The following ARHGAP25 variants were observed in gnomAD, a reference collection of about 807,000 sequenced individuals.
The protein encoded by ARHGAP25 is Rho GTPase activating protein 25.
ARHGAP25 carries 34 observed loss-of-function variants against 71.0 expected under a neutral mutation model. That is an observed-to-expected ratio of 0.48 (90% confidence interval 0.36 to 0.64). The LOEUF (loss-of-function observed/expected upper bound fraction) is 0.64, where lower values mean the gene tolerates loss of function less well. ARHGAP25 is among the 30% of genes least tolerant of loss of function. The pLI, the probability that ARHGAP25 is intolerant of heterozygous loss-of-function variation, is 0.00. For missense variants in ARHGAP25, 706 were observed against 805.1 expected (o/e 0.88, Z 1.49); for synonymous variants, 282 against 296.5 (o/e 0.95, Z 0.50).
chr2:68,713,826 G>A (rs887914429), intron 2 of ARHGAP25, among the ~76,000 whole-genome samples: 1 of 151,230 alleles, frequency 6.6e-6, no homozygotes, highest in Non-Finnish European at 1.5e-5. Flanking sequence ...TTGAACCCAG[G>A]AATGAAGCCA....
At chr2:68,772,179 T>A (rs1238070796) in intron 1 of ARHGAP25, among the ~76,000 whole-genome samples, 3 of 152,248 alleles carry the variant, frequency 2.0e-5, no homozygotes, top group Non-Finnish European at 4.4e-5. Flanking sequence ...AGTATCTTTT[T>A]CTCTTCTGCT....
At chr2:68,804,225 A>G (rs907221041) in intron 4 of ARHGAP25, among the ~76,000 whole-genome samples, 1 of 152,180 alleles carries the variant, frequency 6.6e-6, no homozygotes, top group African/African-American at 2.4e-5. Flanking sequence ...ATAAGACCTC[A>G]GAAATGGAGC....
chr2:68,720,057 G>A (rs1227253337), intron 2 of ARHGAP25, among the ~76,000 whole-genome samples: 3 of 152,058 alleles, frequency 2.0e-5, no homozygotes, highest in Admixed American at 6.6e-5. Context: ...TGATGGTTTC[G>A]GTAAAAAGCC....
chr2:68,779,835 T>A (rs1678192467), intron 2 of ARHGAP25, among the ~76,000 whole-genome samples: 2 of 152,244 alleles, frequency 1.3e-5, no homozygotes, highest in African/African-American at 2.4e-5. Context: ...CCCCTACTGG[T>A]GTCTCTTCCT....
At chr2:68,732,879 G>A (rs1675060339), upstream of ARHGAP25, among the ~76,000 whole-genome samples, 1 of 152,168 alleles carries the variant, frequency 6.6e-6, no homozygotes, top group Non-Finnish European at 1.5e-5. Flanking sequence ...CTTCAGCCTC[G>A]TTCTCTGGAT....
intron 1 of ARHGAP25, among the ~76,000 whole-genome samples, chr2:68,773,714 G>A (rs945180190): frequency 3.9e-5 from 6 of 152,190 alleles, no homozygotes; most frequent in Admixed American, 1.3e-4. Flanking sequence ...AGAAGAAAGA[G>A]AGGAAGCTTG....
intron 4 of ARHGAP25, among the ~76,000 whole-genome samples, chr2:68,792,600 A>G (rs947752364): frequency 6.6e-6 from 1 of 152,214 alleles, no homozygotes; most frequent in Admixed American, 6.5e-5. Flanking sequence ...TTGAAATGTC[A>G]TATTTACTAT....
rs370889720 is a variant in ARHGAP25 at position 68,818,249 on chromosome 2, A to T, written c.1003+255A>T. 3.3e-5 allele frequency among the ~76,000 whole-genome samples: 5 copies of T among 152,202 alleles called. No homozygotes were observed. In the East Asian group the frequency reaches 7.7e-4, roughly 23 times the overall value. On this transcript the variant is annotated intron_variant, in intron 8 of 10. Transcript: ENST00000409202. ...TAGACTAGTACAATAATAGCTAGCT[A>T]GTGTTTGTCAGTCTTTTATTACTTT...
At chr2:68,756,684 A>G (rs1347816363) in intron 1 of ARHGAP25, among the ~76,000 whole-genome samples, 1 of 152,206 alleles carries the variant, frequency 6.6e-6, no homozygotes, top group Non-Finnish European at 1.5e-5. Flanking sequence ...CAAATCCTTG[A>G]GGAAGGGAGA....
chr2:68,773,011 C>T (rs1677586296), intron 1 of ARHGAP25, among the ~76,000 whole-genome samples: 1 of 152,176 alleles, frequency 6.6e-6, no homozygotes, highest in Non-Finnish European at 1.5e-5. Flanking sequence ...GGGATACAAC[C>T]TAGTATGACC....
chr2:68,718,431 ACTTGGATAATCCAG>A (rs1674671495), intron 2 of ARHGAP25, among the ~76,000 whole-genome samples: 1 of 152,150 alleles, frequency 6.6e-6, no homozygotes, highest in African/African-American at 2.4e-5. Flanking sequence ...ATAAGGGCAC[ACTTGGATAATCCAG>A]CATGGCATCC....
At chr2:68,811,485 G>A (rs1409224438) in intron 5 of ARHGAP25, among the ~76,000 whole-genome samples, 2 of 152,132 alleles carry the variant, frequency 1.3e-5, no homozygotes, top group South Asian at 2.1e-4. Context: ...TTTGCCTTGG[G>A]TATTTTTGGG....
chr2:68,783,791 C>A (rs1678523551), intron 3 of ARHGAP25, among the ~76,000 whole-genome samples: 1 of 152,162 alleles, frequency 6.6e-6, no homozygotes, highest in Admixed American at 6.5e-5. Context: ...GAAGGTCTAA[C>A]TTCCTCTCTT....
chr2:68,711,372 T>A (rs1394924065), intron 2 of ARHGAP25, among the ~76,000 whole-genome samples: 1 of 152,210 alleles, frequency 6.6e-6, no homozygotes, highest in Non-Finnish European at 1.5e-5. Flanking sequence ...ATGATGATTT[T>A]AACTCAATTA....
At position 68,813,563 on chromosome 2, in the gene ARHGAP25, A is replaced by G. The variant is rs555860765; in HGVS notation, c.807+144A>G. ...CAACTTCCTCAGCAACAAAAGGTAT[A>G]TGAACTCAATCATAATGACTGGCAA... On this transcript the variant is annotated intron_variant, in intron 6 of 10. Transcript: ENST00000409202. 11 of 876,568 alleles carry G rather than the reference A, an allele frequency of 1.3e-5. No homozygotes were observed. In the African/African-American group the frequency reaches 1.4e-4, roughly 11 times the overall value. The allele number at this position is 876,568 out of a possible 1,614,324, so 54.3% of individuals were successfully genotyped here. A position where few individuals can be genotyped will look rare whatever the true frequency, so the allele number is the denominator to read the frequency against.
At chr2:68,797,849 G>T (rs137938754) in intron 4 of ARHGAP25, among the ~76,000 whole-genome samples, 8 of 152,318 alleles carry the variant, frequency 5.3e-5, no homozygotes, top group African/African-American at 1.9e-4. Flanking sequence ...ATTCCCCAGT[G>T]GGAAAGTGGA....
chr2:68,817,454 C>A (rs1006682503), intron 7 of ARHGAP25, among the ~76,000 whole-genome samples: 2 of 152,140 alleles, frequency 1.3e-5, no homozygotes, highest in African/African-American at 4.8e-5. Flanking sequence ...CATGGATTCC[C>A]CAGGCCTGAG....
chr2:68,721,302 G>A (rs77178733), intron 2 of ARHGAP25, among the ~76,000 whole-genome samples: 1,990 of 152,208 alleles, frequency 0.013, 39 homozygotes, highest in African/African-American at 0.045. Context: ...TGTAATGATC[G>A]TATTGTATAT....
Position 68,782,331 on chromosome 2 carries a change from A to G in ARHGAP25, c.349+11A>G. 6.2e-7 allele frequency: 1 copy of G among 1,613,098 alleles called. No homozygotes were observed. Among genetic ancestry groups the G allele is most frequent in the Non-Finnish European group, 8.5e-7 (1 of 1,179,050 alleles). On this transcript the variant is annotated intron_variant, in intron 3 of 10. Coordinates refer to ENST00000409202, the MANE Select transcript of ARHGAP25 (RefSeq NM_001007231.3). ...TTGAAATCATTCCAGGTAGGCCACC[A>G]CAGGTAGGACAGAGGTGCAGTGCAG... is the stretch of plus-strand genomic sequence containing the variant.
Sources: allele counts gnomAD v4.1 joint callset (sites outside exome capture counted in the v4.1 genomes callset), GRCh38; gene constraint gnomAD v4.1.1; transcripts MANE v1.5; gene names NCBI Gene and HGNC (gene_info 2026-07-23, HGNC 2026-07-21).